TMEM41B: variants seen among roughly 807,000 people sequenced by gnomAD.
TMEM41B encodes transmembrane protein 41B, also known as protein stasimon.
Under a neutral mutation model 31.9 loss-of-function variants are expected in TMEM41B, and 18 were observed. The observed-to-expected ratio is 0.56, with a 90% confidence interval of 0.39 to 0.84. The LOEUF (loss-of-function observed/expected upper bound fraction) is 0.84, where lower values mean the gene tolerates loss of function less well. Among genes scored for constraint, TMEM41B ranks in the 40% least tolerant of loss-of-function variants. The pLI is 0.00. For missense variants in TMEM41B, 322 were observed against 348.0 expected (o/e 0.93, Z 0.59); for synonymous variants, 144 against 124.3 (o/e 1.16, Z -1.05).
intron 1 of TMEM41B, among the ~76,000 whole-genome samples, chr11:9,308,028 G>A (rs1853443938): frequency 6.6e-6 from 1 of 151,114 alleles, no homozygotes; most frequent in African/African-American, 2.4e-5. Context: ...GAGCCACCGC[G>A]CCCAGCCTTA....
chr11:9,287,227 C>T (rs959238123), intron 5 of TMEM41B, among the ~76,000 whole-genome samples: 1 of 152,006 alleles, frequency 6.6e-6, no homozygotes, highest in African/African-American at 2.4e-5. Flanking sequence ...AGGAGAAATG[C>T]TTGAACCGAG....
intron 6 of TMEM41B, among the ~76,000 whole-genome samples, chr11:9,285,864 C>G (rs1212518084): frequency 6.6e-6 from 1 of 151,286 alleles, no homozygotes; most frequent in African/African-American, 2.4e-5. Flanking sequence ...CGCCTATAAT[C>G]CCAGCACTTT....
At chr11:9,311,300 A>G in intron 1 of TMEM41B, 1 of 1,522,328 alleles carries the variant, frequency 6.6e-7, no homozygotes, top group Non-Finnish European at 9.0e-7. Context: ...CACTGCTGGA[A>G]GAGGAGGAGG....
intron 1 of TMEM41B, among the ~76,000 whole-genome samples, chr11:9,308,598 T>C (rs1030879937): frequency 3.3e-5 from 5 of 152,196 alleles, no homozygotes; most frequent in Admixed American, 3.3e-4. Flanking sequence ...TTCACTTTCT[T>C]CCTTCCTACA....
chr11:9,294,297 C>T (rs752373237), intron 3 of TMEM41B, among the ~76,000 whole-genome samples: 7 of 150,386 alleles, frequency 4.7e-5, no homozygotes, highest in African/African-American at 7.4e-5. Context: ...GGGTTCCAGA[C>T]GACCCTGGCC....
intron 6 of TMEM41B, among the ~76,000 whole-genome samples, chr11:9,285,309 T>C (rs12796666): frequency 0.26 from 40,272 of 151,992 alleles, 6,091 homozygotes; most frequent in South Asian, 0.5. Flanking sequence ...GGTCTCGAAC[T>C]CTTGACCTTG....
rs1453778490 is a variant in TMEM41B, at chr11:9,287,144, A to G, written c.568-551T>C. Among the ~76,000 whole-genome samples the G allele has an allele frequency of 2.0e-5, 3 of 151,928 alleles. No homozygotes were observed. In the East Asian group the frequency reaches 5.8e-4, roughly 29 times the overall value. ...AACATGGTAAAACCCTGTCTCTACT[A>G]AAAATACAAAAAATTAGCCAGGCGT... On this transcript the variant is annotated intron_variant, in intron 5 of 6. Coordinates refer to ENST00000528080, the MANE Select transcript of TMEM41B (RefSeq NM_015012.4).
intron 1 of TMEM41B, among the ~76,000 whole-genome samples, chr11:9,307,894 A>G (rs10840203): frequency 0.8 from 121,713 of 152,044 alleles, 48,936 homozygotes; most frequent in East Asian, 0.99. Context: ...TACAGGCACC[A>G]CCCGCCACCT....
chr11:9,308,971 G>A (rs965593692), intron 1 of TMEM41B, among the ~76,000 whole-genome samples: 10 of 152,120 alleles, frequency 6.6e-5, no homozygotes, highest in African/African-American at 2.4e-5. Context: ...GATCCTGGCC[G>A]GGCGTGGGGC....
intron 1 of TMEM41B, among the ~76,000 whole-genome samples, chr11:9,302,415 T>C (rs1322738757): frequency 1.0e-5 from 1 of 100,466 alleles, no homozygotes; most frequent in African/African-American, 3.8e-5. Flanking sequence ...TTCATTTTTA[T>C]CCCTTGTCTC....
intron 3 of TMEM41B, among the ~76,000 whole-genome samples, chr11:9,294,281 G>A (rs1853027420): frequency 6.6e-6 from 1 of 150,984 alleles, no homozygotes; most frequent in African/African-American, 2.4e-5. Context: ...GATCACCTGA[G>A]GTCAGGGGTT....
intron 3 of TMEM41B, chr11:9,295,004 A>C: frequency 2.7e-6 from 1 of 371,020 alleles, no homozygotes; most frequent in Non-Finnish European, 4.1e-6. Context: ...AATATGCAAT[A>C]AAGGAAAATG....
At chr11:9,295,047 A>C (rs1252730530) in intron 3 of TMEM41B, 5 of 687,034 alleles carry the variant, frequency 7.3e-6, no homozygotes, top group Non-Finnish European at 7.9e-6. Context: ...ATACAAAAGA[A>C]CTTCTAATAA....
At position 9,295,379 on chromosome 11, in the gene TMEM41B, C is replaced by G. The variant is rs928135706; in HGVS notation, c.248G>C (p.Arg83Thr). 6.4e-7 allele frequency: 1 copy of G among 1,573,526 alleles called. No homozygotes were observed. The highest frequency in any genetic ancestry group is 8.6e-7 in the Non-Finnish European group (1 of 1,161,746). Reference sequence around the variant, plus strand: ...ATCTCTGGGAACCTTCATATTCACTCTTTCTTCTCTGAAGAAATAAAGTGA... The same window carrying G: ...ATCTCTGGGAACCTTCATATTCACTGTTTCTTCTCTGAAGAAATAAAGTGA... Reference protein sequence around the residue: ...KNFPQLSEEERVNMKVPRDMD... With the variant: ...KNFPQLSEEETVNMKVPRDMD... The change falls in exon 3 of 7, where the codon AGA becomes ACA. Residue 83 changes from arginine (R) to threonine (T), a missense_variant. Physicochemically the swap from Arg to Thr is moderately conservative, Grantham distance 71 (BLOSUM62 -1). Transcript: ENST00000528080.
intron 1 of TMEM41B, among the ~76,000 whole-genome samples, chr11:9,302,590 G>A (rs796670575): frequency 1.0e-5 from 1 of 99,408 alleles, no homozygotes; most frequent in African/African-American, 3.9e-5. Context: ...ACTGAGCCCT[G>A]ACTAGATATT....
At chr11:9,302,053 C>T (rs1168218894) in intron 1 of TMEM41B, among the ~76,000 whole-genome samples, 1 of 133,250 alleles carries the variant, frequency 7.5e-6, no homozygotes, top group African/African-American at 2.9e-5. Flanking sequence ...GTCGCCCAGG[C>T]TGGAGTGCAG....
intron 1 of TMEM41B, among the ~76,000 whole-genome samples, chr11:9,305,069 G>A (rs986736278): frequency 2.0e-5 from 3 of 152,082 alleles, no homozygotes; most frequent in Non-Finnish European, 4.4e-5. Flanking sequence ...TGGGATTACT[G>A]GTATGAGCCA....
rs1432615333 is a variant in TMEM41B, at chr11:9,281,608, CT to C, written c.*1815del. On this transcript the variant is annotated 3_prime_UTR_variant, in exon 7 of 7. Transcript: ENST00000528080. Reference sequence around the variant, plus strand: ...GGGTGAAGGTAAAACTGACAGAGTACTTTAGATCAGCTATGTCCTACAGTCA... The same window carrying C: ...GGGTGAAGGTAAAACTGACAGAGTACTTAGATCAGCTATGTCCTACAGTCA... 6.6e-6 allele frequency: 1 copy of C among 152,200 alleles called. No homozygotes were observed. Among genetic ancestry groups the C allele is most frequent in the Non-Finnish European group, 1.5e-5 (1 of 68,042 alleles). The allele number at this position is 152,200 out of a possible 1,614,324, so 9.4% of individuals were successfully genotyped here.
intron 1 of TMEM41B, among the ~76,000 whole-genome samples, chr11:9,308,629 T>C (rs1853458398): frequency 6.6e-6 from 1 of 152,128 alleles, no homozygotes; most frequent in African/African-American, 2.4e-5. Flanking sequence ...TTAGCACAAA[T>C]ACAGAAAAAT....
Sources: allele counts gnomAD v4.1 joint callset (sites outside exome capture counted in the v4.1 genomes callset), GRCh38; gene constraint gnomAD v4.1.1; transcripts MANE v1.5; gene names NCBI Gene and HGNC (gene_info 2026-07-23, HGNC 2026-07-21).